The following ZNF274 variants were observed in gnomAD, a reference collection of about 807,000 sequenced individuals.
ZNF274 encodes zinc finger protein 274.
Under a neutral mutation model 42.5 loss-of-function variants are expected in ZNF274, and 23 were observed. The ratio of observed to expected loss-of-function variants is 0.54; its 90% CI spans 0.39 to 0.77. The LOEUF is 0.77. ZNF274 is among the 30% of genes least tolerant of loss of function. The pLI is 0.00. For synonymous variants in ZNF274, 292 were observed against 305.4 expected (o/e 0.96, Z 0.46); for missense variants, 679 against 806.5 (o/e 0.84, Z 1.91).
intron 4 of ZNF274, among the ~76,000 whole-genome samples, chr19:58,194,486 C>T (rs542089256): frequency 4.2e-4 from 58 of 137,040 alleles, no homozygotes; most frequent in African/African-American, 1.1e-3. Flanking sequence ...TCAGGCAATT[C>T]TCCTGCCTCA....
chr19:58,205,743 G>C (rs571256964), intron 4 of ZNF274, among the ~76,000 whole-genome samples: 2 of 152,168 alleles, frequency 1.3e-5, no homozygotes, highest in Non-Finnish European at 2.9e-5. Flanking sequence ...GTTCAGTTTA[G>C]CAATGTGCTC....
intron 4 of ZNF274, among the ~76,000 whole-genome samples, chr19:58,188,658 ATGTGTG>A (rs200982136): frequency 2.9e-5 from 3 of 102,936 alleles, no homozygotes; most frequent in Admixed American, 1.3e-4. Flanking sequence ...TAAAAAATAG[ATGTGTG>A]TGTGTGTGTG....
chr19:58,185,855 G>A lies in ZNF274; in HGVS notation c.160+17G>A. On this transcript the variant is annotated intron_variant, in intron 3 of 7. Coordinates refer to ENST00000617501, the MANE Select transcript of ZNF274 (RefSeq NM_133502.3). The stretch of plus-strand genomic sequence containing the variant: ...TCTCAGTGGGTAAGGCTGGCCTCCA[G>A]GTCAAGAAGGATCTGTGCTTTGTAG... 1 of 1,356,756 alleles carries A rather than the reference G, an allele frequency of 7.4e-7. No homozygotes were observed. Among genetic ancestry groups the A allele is most frequent in the Non-Finnish European group, 9.6e-7 (1 of 1,043,596 alleles). 84.0% of individuals were successfully genotyped at this position (1,356,756 alleles called of 1,614,324 possible). A position where few individuals can be genotyped will look rare whatever the true frequency, so the allele number is the denominator to read the frequency against.
intron 4 of ZNF274, among the ~76,000 whole-genome samples, chr19:58,204,154 G>A (rs762074588): frequency 1.3e-5 from 2 of 152,206 alleles, no homozygotes. Context: ...CAGCCCGCGA[G>A]GTCCGGAGAA....
At chr19:58,203,011 A>T (rs918314211) in intron 4 of ZNF274, among the ~76,000 whole-genome samples, 1 of 152,218 alleles carries the variant, frequency 6.6e-6, no homozygotes, top group African/African-American at 2.4e-5. Context: ...AGAATCCAAC[A>T]GTTGTTTTCC....
At position 58,212,061 on chromosome 19, in the gene ZNF274, A is replaced by G. The variant is rs1330034854; in HGVS notation, c.980-100A>G. On this transcript the variant is annotated intron_variant, in intron 7 of 7. Coordinates refer to ENST00000617501, the MANE Select transcript of ZNF274 (RefSeq NM_133502.3). The surrounding 1 kb of genome is among the most constrained non-coding windows in gnomAD (Gnocchi z 4.6). ...TGCATGACTCTATTTGGGAGAAAAA[A>G]AAAATCCTGACTTTTGAACTTAATT... The G allele has an allele frequency of 1.4e-6, 2 of 1,439,840 alleles. No homozygotes were observed. The highest frequency in any genetic ancestry group is 1.4e-5 in the African/African-American group (1 of 70,236). The allele number at this position is 1,439,840 out of a possible 1,614,324, so 89.2% of individuals were successfully genotyped here.
intron 5 of ZNF274, 179 bp from the exon 6 acceptor site, chr19:58,209,782 C>T (rs888307195): frequency 2.8e-5 from 15 of 538,838 alleles, no homozygotes; most frequent in African/African-American, 1.2e-4. Context: ...TGTGGGCACT[C>T]GGGCACGTGC....
chr19:58,188,674 GTGTA>G (rs1273265474), intron 4 of ZNF274, among the ~76,000 whole-genome samples: 65 of 84,882 alleles, frequency 7.7e-4, no homozygotes, highest in Non-Finnish European at 1.1e-3. Context: ...GTGTGTGTGT[GTGTA>G]TATATATATG....
intron 4 of ZNF274, among the ~76,000 whole-genome samples, chr19:58,194,746 G>A (rs773311494): frequency 0.041 from 6,288 of 151,936 alleles, 173 homozygotes; most frequent in East Asian, 0.12. Context: ...GGTGGCTGAT[G>A]TCTATAATGC....
chr19:58,209,962 A>G lies in ZNF274; in HGVS notation c.741A>G (p.Val247=). The change falls in exon 6 of 8, where the codon GTA becomes GTG. Residue 247 remains valine (V), a splice_region_variant and synonymous_variant. Coordinates refer to ENST00000617501, the MANE Select transcript of ZNF274 (RefSeq NM_133502.3). ...EGVTWMSEEE[V]LPAGQPAEGT... ...CCTCTGGCTGGTGTCTCCTCCCAGTACTTCCTGCAGGACAACCTGCCGAGG... is the reference window on the plus strand; with the variant it reads ...CCTCTGGCTGGTGTCTCCTCCCAGTGCTTCCTGCAGGACAACCTGCCGAGG... 1 of 1,611,032 alleles carries G rather than the reference A, an allele frequency of 6.2e-7. No individual in the cohort carries two copies. The highest frequency in any genetic ancestry group is 8.5e-7 in the Non-Finnish European group (1 of 1,178,768).
chr19:58,184,070 CACCTT>C, intron 2 of ZNF274, 72 bp downstream of exon 2: 1 of 1,518,540 alleles, frequency 6.6e-7, no homozygotes, highest in Non-Finnish European at 9.0e-7. Flanking sequence ...GGTGAGATAC[CACCTT>C]CCCTGAGATA....
chr19:58,211,804 G>A lies in ZNF274; in HGVS notation c.979+118G>A. 4 of 1,396,266 alleles carry A rather than the reference G, an allele frequency of 2.9e-6. No homozygotes were observed. Among genetic ancestry groups the A allele is most frequent in the South Asian group, 3.0e-5 (2 of 67,762 alleles). The allele number at this position is 1,396,266 out of a possible 1,614,324, so 86.5% of individuals were successfully genotyped here. A position where few individuals can be genotyped will look rare whatever the true frequency, so the allele number is the denominator to read the frequency against. ...GGCATTCCCTCAAGGGGCCCTTGCT[G>A]CATCCAGGGCCTGTAAGTGGAACTG... On this transcript the variant is annotated intron_variant, in intron 7 of 7. Coordinates refer to ENST00000617501, the MANE Select transcript of ZNF274 (RefSeq NM_133502.3). The surrounding 1 kb of genome is among the most constrained non-coding windows in gnomAD (Gnocchi z 4.8).
At chr19:58,196,802 CTTTGCCCTCTTTAATGTT>C (rs572196633) in intron 4 of ZNF274, among the ~76,000 whole-genome samples, 57 of 152,268 alleles carry the variant, frequency 3.7e-4, no homozygotes, top group South Asian at 3.3e-3. Context: ...TTCAGCCTGT[CTTTGCCCTCTTTAATGTT>C]TTTGCCCTCT....
Position 58,206,793 on chromosome 19 carries a change from T to G in ZNF274, c.330T>G (p.Val110=). Residue 110 remains valine, a synonymous_variant, in exon 5 of 8, where the codon GTT becomes GTG. Coordinates refer to ENST00000617501, the MANE Select transcript of ZNF274 (RefSeq NM_133502.3). Reference sequence around the variant, plus strand: ...AGAGTCCCCTAATGAACATTGAGGTTGTTGAGGTCCTCACACTGAACCAGG... The same window carrying G: ...AGAGTCCCCTAATGAACATTGAGGTGGTTGAGGTCCTCACACTGAACCAGG... ...PAESPLMNIE[V]VEVLTLNQEV... 6.2e-7 allele frequency: 1 copy of G among 1,613,788 alleles called. No homozygotes were observed.
chr19:58,209,185 C>T (rs1295803273), intron 5 of ZNF274: 2 of 152,372 alleles, frequency 1.3e-5, no homozygotes, highest in East Asian at 3.8e-4. Context: ...GGCTGTCTCC[C>T]TGCATGGGAT....
rs1360064124 is a variant in ZNF274, at chr19:58,183,083, C to A, written c.-405C>A. The A allele has an allele frequency of 6.6e-6, 1 of 152,630 alleles. No individual in the cohort carries two copies. Among genetic ancestry groups the A allele is most frequent in the African/African-American group, 2.4e-5 (1 of 41,434 alleles). 9.5% of individuals were successfully genotyped at this position (152,630 alleles called of 1,614,324 possible). A position where few individuals can be genotyped will look rare whatever the true frequency, so the allele number is the denominator to read the frequency against. ...CCCATTCCAGCACTTCCGGCCTGAC[C>A]CCTGTCCAGCGCCTTTCCTTTCTCC... On this transcript the variant is annotated 5_prime_UTR_variant, in exon 1 of 8. Coordinates refer to ENST00000617501, the MANE Select transcript of ZNF274 (RefSeq NM_133502.3).
intron 3 of ZNF274, chr19:58,186,043 T>C (rs1334745203): frequency 5.9e-6 from 2 of 337,524 alleles, no homozygotes; most frequent in African/African-American, 4.3e-5. Context: ...TCAGCTGCAG[T>C]AGTGGATGCT....
chr19:58,207,086 A>G lies in ZNF274; in HGVS notation c.623A>G (p.Gln208Arg). ...ATCCTGGAGCTGCTGGTGCTGGAGC[A>G]GTTCCTAGGTGCACTGCCTGTGAAG... ...EQILELLVLEQFLGALPVKLR... is the reference protein window; with the variant it reads ...EQILELLVLERFLGALPVKLR... The change falls in exon 5 of 8, where the codon CAG becomes CGG. Residue 208 changes from glutamine (Q) to arginine (R), a missense_variant. By Grantham distance (43) the Gln-to-Arg change is conservative. Coordinates refer to ENST00000617501, the MANE Select transcript of ZNF274 (RefSeq NM_133502.3). The surrounding 1 kb of genome is among the most constrained non-coding windows in gnomAD (Gnocchi z 5.6). 6.2e-7 allele frequency: 1 copy of G among 1,613,894 alleles called. No individual in the cohort carries two copies. The highest frequency in any genetic ancestry group is 1.1e-5 in the South Asian group (1 of 91,014).
At chr19:58,210,340 A>G (rs2076026009) in intron 6 of ZNF274, 1 of 319,588 alleles carries the variant, frequency 3.1e-6, no homozygotes. Context: ...AAGTGTTTAC[A>G]GAGACTTGAG....
Sources: allele counts gnomAD v4.1 joint callset (sites outside exome capture counted in the v4.1 genomes callset), GRCh38; gene constraint gnomAD v4.1.1; non-coding constraint Gnocchi (gnomAD v3.1); transcripts MANE v1.5; gene names NCBI Gene and HGNC (gene_info 2026-07-23, HGNC 2026-07-21).